Variants in BPIFA2 observed in about 807,000 individuals in gnomAD.
The protein encoded by BPIFA2 is BPI fold containing family A member 2, also known as BPI fold-containing family A member 2.
BPIFA2 carries 20 observed loss-of-function variants against 25.7 expected under a neutral mutation model. The ratio of observed to expected loss-of-function variants is 0.78; its 90% CI spans 0.55 to 1.13. The LOEUF is 1.13. BPIFA2 is among the 50% of genes most tolerant of loss of function. BPIFA2 has a pLI of 0.00. For missense variants in BPIFA2, 300 were observed against 298.1 expected, an observed-to-expected ratio of 1.01 and a Z score of -0.05; for synonymous variants, 126 against 124.3, an observed-to-expected ratio of 1.01 and a Z score of -0.09.
upstream of BPIFA2, among the ~76,000 whole-genome samples, chr20:33,166,160 A>G (rs6059132): frequency 1.1e-4 from 17 of 152,060 alleles, no homozygotes; most frequent in African/African-American, 4.1e-4. Context: ...GGGATTACAG[A>G]TGCCTGCCCC....
chr20:33,164,793 C>T (rs1315698929), upstream of BPIFA2, among the ~76,000 whole-genome samples: 2 of 152,182 alleles, frequency 1.3e-5, no homozygotes, highest in Non-Finnish European at 2.9e-5. Flanking sequence ...AGACAAGGTG[C>T]CCAGACTTCA....
At chr20:33,176,839 C>T (rs1984094799) in intron 5 of BPIFA2, among the ~76,000 whole-genome samples, 1 of 152,150 alleles carries the variant, frequency 6.6e-6, no homozygotes, top group Non-Finnish European at 1.5e-5. Context: ...TAGGCTGTTT[C>T]TCAAGGCTCT....
At chr20:33,180,462 G>T in intron 7 of BPIFA2, 58 bp from the exon 8 acceptor site, 11 of 1,559,190 alleles carry the variant, frequency 7.1e-6, no homozygotes, top group Non-Finnish European at 9.7e-6. Flanking sequence ...TTGGAGTCTG[G>T]TCTCTATTCA....
At chr20:33,162,988 T>C (rs1299143511) in intron 1 of BPIFA2, among the ~76,000 whole-genome samples, 3 of 152,176 alleles carry the variant, frequency 2.0e-5, no homozygotes, top group Non-Finnish European at 2.9e-5. Context: ...CACAGAAAAT[T>C]TGCAAGAACT....
Position 33,180,578 on chromosome 20 carries a change from G to A in BPIFA2, c.*18G>A. The A allele has an allele frequency of 1.2e-6, 2 of 1,609,422 alleles. No individual in the cohort carries two copies. The highest frequency in any genetic ancestry group is 1.1e-5 in the South Asian group (1 of 91,000). ...TCATCTGAAGAGGACGAATGAGGAG[G>A]ACCACTGTGGTGCATGCTGGTGAGG... On this transcript the variant is annotated 3_prime_UTR_variant, in exon 8 of 9. Coordinates refer to ENST00000354932, the MANE Select transcript of BPIFA2 (RefSeq NM_080574.4).
upstream of BPIFA2, among the ~76,000 whole-genome samples, chr20:33,166,628 G>C (rs1983734222): frequency 6.6e-6 from 1 of 152,168 alleles, no homozygotes; most frequent in Admixed American, 6.5e-5. Context: ...AGCAGAGAGA[G>C]AGTATTCATG....
At position 33,172,891 on chromosome 20, in the gene BPIFA2, G is replaced by A. The variant is rs774024155; in HGVS notation, c.158-41G>A. On this transcript the variant is annotated intron_variant, in intron 2 of 8. Transcript: ENST00000354932. ...GTACCTGGAGCATCGTAGCTACTTC[G>A]TAAGTGGTGCGTGACACAAAATGGC... 1.6e-5 allele frequency: 25 copies of A among 1,599,928 alleles called. No individual in the cohort carries two copies. In the East Asian group the frequency reaches 3.4e-4, roughly 22 times the overall value.
In BPIFA2 at chr20:33,169,241, C is replaced by T. The variant is rs376296224; in HGVS notation, c.96C>T (p.Val32=). 16 of 1,613,910 alleles carry T rather than the reference C, an allele frequency of 9.9e-6. No individual in the cohort carries two copies. The highest frequency in any genetic ancestry group is 2.7e-5 in the African/African-American group (2 of 74,908). The part of the protein sequence containing the change: ...LDNLGNDLSN[V]VDKLEPVLHE... Reference sequence around the variant, plus strand: ...ATCTTGGCAATGACCTAAGCAATGTCGTGGATAAGCTGGAACCTGTTCTTC... The same window carrying T: ...ATCTTGGCAATGACCTAAGCAATGTTGTGGATAAGCTGGAACCTGTTCTTC... The change falls in exon 2 of 9, where the codon GTC becomes GTT. Residue 32 remains valine (V), a synonymous_variant. Coordinates refer to ENST00000354932, the MANE Select transcript of BPIFA2 (RefSeq NM_080574.4).
At position 33,177,060 on chromosome 20, in the gene BPIFA2, A is replaced by C. The variant is rs192582773; in HGVS notation, c.564-1087A>C. On this transcript the variant is annotated intron_variant, in intron 5 of 8. Transcript: ENST00000354932. Reference sequence around the variant, plus strand: ...TTCACTTCTTTCATTCTTTCAGCCAAAAATGTATTGAGGCTGGGCACGATG... The same window carrying C: ...TTCACTTCTTTCATTCTTTCAGCCACAAATGTATTGAGGCTGGGCACGATG... Among the ~76,000 whole-genome samples, 26 of 152,272 alleles carry C rather than the reference A, an allele frequency of 1.7e-4. No individual in the cohort carries two copies. In the East Asian group the frequency reaches 3.1e-3, roughly 18 times the overall value.
chr20:33,177,899 G>A (rs913259843), intron 5 of BPIFA2, among the ~76,000 whole-genome samples: 1 of 152,150 alleles, frequency 6.6e-6, no homozygotes, highest in Non-Finnish European at 1.5e-5. Flanking sequence ...TGTAAATACG[G>A]GTTGAATGAG....
intron 7 of BPIFA2, among the ~76,000 whole-genome samples, chr20:33,180,102 C>T (rs1984223092): frequency 6.6e-6 from 1 of 152,038 alleles, no homozygotes; most frequent in Non-Finnish European, 1.5e-5. Context: ...CCTGGAGTCC[C>T]AGCTACTCGG....
chr20:33,171,667 G>A (rs913730175), intron 2 of BPIFA2, among the ~76,000 whole-genome samples: 3 of 152,158 alleles, frequency 2.0e-5, no homozygotes, highest in Non-Finnish European at 4.4e-5. Context: ...TTAGAGAAAT[G>A]CAAATCAAAA....
chr20:33,175,618 T>TCA, intron 5 of BPIFA2, 59 bp downstream of exon 5: 1 of 1,559,284 alleles, frequency 6.4e-7, no homozygotes. Context: ...ACCCCTAATT[T>TCA]CAGCTCTAGT....
At chr20:33,165,390 C>T (rs12106273), upstream of BPIFA2, among the ~76,000 whole-genome samples, 4,345 of 152,256 alleles carry the variant, frequency 0.029, 187 homozygotes, top group African/African-American at 0.096. Context: ...AATGGGAGTG[C>T]ACACCTGTGT....
chr20:33,178,876 C>G (rs73904620), intron 6 of BPIFA2, among the ~76,000 whole-genome samples: 6,359 of 152,252 alleles, frequency 0.042, 431 homozygotes, highest in African/African-American at 0.14. Flanking sequence ...AGGCCACACC[C>G]CAGACCTGCT....
upstream of BPIFA2, among the ~76,000 whole-genome samples, chr20:33,164,204 G>A (rs923610628): frequency 5.9e-5 from 9 of 152,190 alleles, no homozygotes; most frequent in African/African-American, 1.9e-4. Flanking sequence ...TAAAGTGAAT[G>A]AACAATAAAT....
At chr20:33,174,461 G>T (rs958695695) in intron 4 of BPIFA2, among the ~76,000 whole-genome samples, 1 of 152,146 alleles carries the variant, frequency 6.6e-6, no homozygotes, top group Non-Finnish European at 1.5e-5. Flanking sequence ...TTGAAAAGTT[G>T]AGATAACAAA....
Position 33,179,584 on chromosome 20 carries a change from C to T in BPIFA2, c.646-20C>T, listed in dbSNP as rs1021289239. 2 of 1,594,466 alleles carry T rather than the reference C, an allele frequency of 1.3e-6. No individual in the cohort carries two copies. Among genetic ancestry groups the T allele is most frequent in the Admixed American group, 1.7e-5 (1 of 59,972 alleles). On this transcript the variant is annotated intron_variant, in intron 6 of 8. Transcript: ENST00000354932. ...TCCTCCTACTCCTGACCCTCCTCTT[C>T]CTCCTTTCTCCGCTGTCAGATATGT...
Position 33,172,992 on chromosome 20 carries a change from T to G in BPIFA2, c.218T>G (p.Leu73Arg). The G allele has an allele frequency of 6.2e-7, 1 of 1,614,068 alleles. No homozygotes were observed. Among genetic ancestry groups the G allele is most frequent in the Non-Finnish European group, 8.5e-7 (1 of 1,180,000 alleles). The part of the protein sequence containing the change: ...GVLQKSSAWQ[L>R]AKQKAQEAEK... ...CTTCAGAAATCCAGTGCTTGGCAAC[T>G]GGCCAAGCAGAAGGCCCAGGAAGCT... Residue 73 changes from leucine (L) to arginine (R), a missense_variant, in exon 3 of 9, where the codon CTG (leucine) becomes CGG (arginine). Transcript: ENST00000354932.
Sources: gnomAD v4.1 joint callset for allele counts (sites outside exome capture counted in the v4.1 genomes callset) on GRCh38, gnomAD v4.1.1 for gene constraint, MANE v1.5 for transcripts, NCBI Gene and HGNC (gene_info 2026-07-23, HGNC 2026-07-21) for gene names.